NRG3: variants seen among roughly 807,000 people sequenced by gnomAD.
NRG3 encodes the protein pro-neuregulin-3, membrane-bound isoform.
NRG3 carries 31 observed loss-of-function variants against 66.9 expected under a neutral mutation model. The observed-to-expected ratio is 0.46, with a 90% CI of 0.35 to 0.63. NRG3 has a LOEUF of 0.63. Among genes scored for constraint, NRG3 ranks in the 20% least tolerant of loss-of-function variants. NRG3 has a pLI of 0.00. For synonymous variants in NRG3, 393 were observed against 359.4 expected (o/e 1.09, Z -1.06); for missense variants, 910 against 878.9 (o/e 1.04, Z -0.45).
chr10:82,782,845 G>C (rs542279180), intron 3 of NRG3, among the ~76,000 whole-genome samples: 1 of 152,220 alleles, frequency 6.6e-6, no homozygotes, highest in Admixed American at 6.5e-5. Context: ...GGAATCCTCC[G>C]TAACTCATTT....
At chr10:82,836,312 T>A (rs150614042) in intron 3 of NRG3, among the ~76,000 whole-genome samples, 323 of 152,244 alleles carry the variant, frequency 2.1e-3, no homozygotes, top group African/African-American at 7.5e-3. Context: ...GAGTTAACAA[T>A]CTGCAGGACA....
At chr10:82,411,553 C>G (rs1385576924) in intron 2 of NRG3, among the ~76,000 whole-genome samples, 2 of 152,114 alleles carry the variant, frequency 1.3e-5, no homozygotes, top group East Asian at 1.9e-4. Context: ...TCCTCCACTC[C>G]TTAGTTGTTC....
At chr10:82,504,765 G>T (rs1403252210) in intron 2 of NRG3, among the ~76,000 whole-genome samples, 1 of 152,110 alleles carries the variant, frequency 6.6e-6, no homozygotes, top group African/African-American at 2.4e-5. Context: ...GAAAACGTTT[G>T]TCTGTGATTT....
intron 4 of NRG3, among the ~76,000 whole-genome samples, chr10:82,879,463 A>C (rs2029839): frequency 5.9e-5 from 8 of 135,466 alleles, no homozygotes; most frequent in African/African-American, 2.3e-4. Context: ...TAATCTAATG[A>C]AGACTTTTTT....
intron 1 of NRG3, among the ~76,000 whole-genome samples, chr10:82,002,874 G>A (rs1001619399): frequency 5.3e-5 from 8 of 152,134 alleles, no homozygotes; most frequent in African/African-American, 1.9e-4. Flanking sequence ...AAAAAATTGA[G>A]TGCTAAGTGC....
chr10:82,005,816 G>A (rs1490405814), intron 1 of NRG3, among the ~76,000 whole-genome samples: 2 of 151,638 alleles, frequency 1.3e-5, no homozygotes, highest in Non-Finnish European at 2.9e-5. Context: ...CTTTTACTAA[G>A]TAAAAGTAGT....
intron 1 of NRG3, among the ~76,000 whole-genome samples, chr10:81,877,140 C>A (rs1841740447): frequency 6.6e-6 from 1 of 152,200 alleles, no homozygotes; most frequent in Non-Finnish European, 1.5e-5. Flanking sequence ...ATACCCAAAG[C>A]ATGATAGCTT....
intron 3 of NRG3, among the ~76,000 whole-genome samples, chr10:82,864,537 A>T (rs1158927816): frequency 6.6e-6 from 1 of 152,212 alleles, no homozygotes; most frequent in Non-Finnish European, 1.5e-5. Flanking sequence ...GGCAACAGAA[A>T]AAAATGTTAA....
intron 2 of NRG3, among the ~76,000 whole-genome samples, chr10:82,645,638 A>G (rs2050877281): frequency 6.6e-6 from 1 of 152,158 alleles, no homozygotes; most frequent in Non-Finnish European, 1.5e-5. Flanking sequence ...ATGGCAAAAT[A>G]AGACCTTTAG....
At chr10:82,126,353 T>G (rs1436780235) in intron 1 of NRG3, among the ~76,000 whole-genome samples, 1 of 152,042 alleles carries the variant, frequency 6.6e-6, no homozygotes, top group Admixed American at 6.6e-5. Context: ...TAGAACAAAC[T>G]TGCAGTAATT....
chr10:82,308,032 A>AT (rs1205310546), intron 1 of NRG3, among the ~76,000 whole-genome samples: 3 of 152,114 alleles, frequency 2.0e-5, no homozygotes, highest in African/African-American at 7.2e-5. Context: ...TATTTTTGAT[A>AT]TTTTTTCTTA....
intron 1 of NRG3, among the ~76,000 whole-genome samples, chr10:82,007,717 TAGATATTTTC>T (rs1480484858): frequency 6.6e-6 from 1 of 152,168 alleles, no homozygotes; most frequent in Non-Finnish European, 1.5e-5. Context: ...TTTACTGTAG[TAGATATTTTC>T]AATACAATGA....
At chr10:82,142,747 C>CCTCT (rs35695687) in intron 1 of NRG3, among the ~76,000 whole-genome samples, 26 of 143,146 alleles carry the variant, frequency 1.8e-4, no homozygotes, top group Admixed American at 1.2e-3. Flanking sequence ...ATGTGAGAGT[C>CCTCT]CTCTCTCTCT....
intron 3 of NRG3, among the ~76,000 whole-genome samples, chr10:82,761,848 A>C (rs2059315208): frequency 6.6e-6 from 1 of 151,582 alleles, no homozygotes; most frequent in African/African-American, 2.4e-5. Flanking sequence ...ACAAATATAA[A>C]TTGTATTTTT....
chr10:82,525,611 AT>A (rs199737759), intron 2 of NRG3, among the ~76,000 whole-genome samples: 1 of 151,738 alleles, frequency 6.6e-6, no homozygotes, highest in East Asian at 1.9e-4. Flanking sequence ...ATTGCTGCAG[AT>A]TTTTTTTCTA....
chr10:82,612,756 T>A (rs2133519353), intron 2 of NRG3, among the ~76,000 whole-genome samples: 1 of 152,338 alleles, frequency 6.6e-6, no homozygotes, highest in African/African-American at 2.4e-5. Flanking sequence ...CATATTTTTG[T>A]AATGTACACT....
chr10:82,048,141 A>G (rs1334052115), intron 1 of NRG3, among the ~76,000 whole-genome samples: 2 of 151,866 alleles, frequency 1.3e-5, no homozygotes, highest in Non-Finnish European at 2.9e-5. Flanking sequence ...CTCCCACACA[A>G]TAATAATGGG....
intron 2 of NRG3, among the ~76,000 whole-genome samples, chr10:82,392,543 T>A (rs968989105): frequency 1.3e-5 from 2 of 152,178 alleles, no homozygotes; most frequent in African/African-American, 4.8e-5. Context: ...TCTGTATAAA[T>A]TGCTAAGCAG....
chr10:81,984,835 A>G (rs1224662317), intron 1 of NRG3, among the ~76,000 whole-genome samples: 7 of 152,266 alleles, frequency 4.6e-5, no homozygotes, highest in Non-Finnish European at 7.3e-5. Flanking sequence ...AAGTAATAAA[A>G]TGTATTAACT....
Sources: allele counts gnomAD v4.1 joint callset (sites outside exome capture counted in the v4.1 genomes callset), GRCh38; gene constraint gnomAD v4.1.1; transcripts MANE v1.5; gene names NCBI Gene and HGNC (gene_info 2026-07-23, HGNC 2026-07-21).